CTNNA2: variants seen among roughly 807,000 people sequenced by gnomAD.
The protein encoded by CTNNA2 is catenin alpha-2.
Under a neutral mutation model 101.0 loss-of-function variants are expected in CTNNA2, and 42 were observed. The observed-to-expected ratio is 0.42, with a 90% confidence interval of 0.32 to 0.54. The LOEUF (loss-of-function observed/expected upper bound fraction) is 0.54. Among genes scored for constraint, CTNNA2 ranks in the 20% least tolerant of loss-of-function variants. CTNNA2 has a pLI of 0.14. For synonymous variants in CTNNA2, 450 were observed against 456.4 expected (o/e 0.99, Z 0.18); for missense variants, 871 against 1,223.1 (o/e 0.71, Z 4.29).
In CTNNA2 at chr2:79,902,510, T is replaced by C. The variant is rs527372734; in HGVS notation, c.853-7084T>C. The stretch of plus-strand genomic sequence containing the variant: ...CCCATACCACTACCCGATGTTCATA[T>C]ACTTATAATCAACCTTCCACCAGAC... On this transcript the variant is annotated intron_variant, in intron 6 of 18. Coordinates refer to ENST00000402739, the MANE Select transcript of CTNNA2 (RefSeq NM_001282597.3). 3.2e-4 allele frequency among the ~76,000 whole-genome samples: 49 copies of C among 152,338 alleles called. 1 individual carries two copies. The South Asian group carries it at 9.5e-3, about 30-fold the overall frequency.
chr2:79,306,293 ACAT>A (rs1417532064), intron 2 of CTNNA2, among the ~76,000 whole-genome samples: 1 of 152,186 alleles, frequency 6.6e-6, no homozygotes, highest in East Asian at 1.9e-4. Flanking sequence ...GATCTATTGT[ACAT>A]CATGACAACT....
At chr2:79,835,680 T>TGTTTTTTTTTTTGTTTTTTTG (rs1327631921) in intron 3 of CTNNA2, among the ~76,000 whole-genome samples, 1 of 123,376 alleles carries the variant, frequency 8.1e-6, no homozygotes, top group African/African-American at 3.5e-5. Flanking sequence ...TTTTTTTTTT[T>TGTTTTTTTTTTTGTTTTTTTG]TTTTTTTTTT....
At chr2:80,576,477 A>G (rs1315081696) in intron 13 of CTNNA2, 2 of 151,538 alleles carry the variant, frequency 1.3e-5, no homozygotes, top group Non-Finnish European at 2.9e-5. Flanking sequence ...ATATATATGC[A>G]AATCTGGCAG....
intron 3 of CTNNA2, among the ~76,000 whole-genome samples, chr2:79,361,524 G>A (rs1047478766): frequency 6.6e-6 from 1 of 152,158 alleles, no homozygotes; most frequent in African/African-American, 2.4e-5. Context: ...TATACAATTA[G>A]GAGAGAAGTT....
At chr2:79,772,616 G>A (rs983405246) in intron 3 of CTNNA2, among the ~76,000 whole-genome samples, 4 of 152,176 alleles carry the variant, frequency 2.6e-5, no homozygotes, top group South Asian at 2.1e-4. Context: ...TCTGTTGCCC[G>A]GGCTGGAGTG....
At chr2:79,732,355 A>G (rs975878664) in intron 2 of CTNNA2, among the ~76,000 whole-genome samples, 2 of 152,104 alleles carry the variant, frequency 1.3e-5, no homozygotes, top group Non-Finnish European at 2.9e-5. Context: ...TCATATAAAA[A>G]ATGGGAATTT....
At chr2:80,301,005 G>C (rs939549519) in intron 7 of CTNNA2, among the ~76,000 whole-genome samples, 1 of 151,336 alleles carries the variant, frequency 6.6e-6, no homozygotes, top group Non-Finnish European at 1.5e-5. Flanking sequence ...AGAAGAGGCA[G>C]CTTTTCTGTC....
chr2:80,559,143 G>A (rs1206329159), intron 12 of CTNNA2, among the ~76,000 whole-genome samples: 2 of 152,174 alleles, frequency 1.3e-5, no homozygotes, highest in African/African-American at 4.8e-5. Flanking sequence ...TGTGCACTGA[G>A]CATTACTGCC....
chr2:80,305,556 G>A lies in CTNNA2; in HGVS notation c.1057-87655G>A, dbSNP rs150043180. ...GTTTAAGCCATAATGAAGCCTACCC[G>A]TCTCCATACACACATCCTAATTAAT... On this transcript the variant is annotated intron_variant, in intron 7 of 18. Transcript: ENST00000402739. Among the ~76,000 whole-genome samples the A allele has an allele frequency of 8.8e-3, 1,337 of 152,122 alleles. 12 individuals carry two copies. The highest frequency in any genetic ancestry group is 0.028 in the South Asian group (134 of 4,802).
intron 2 of CTNNA2, among the ~76,000 whole-genome samples, chr2:79,243,377 T>C (rs544600053): frequency 6.6e-6 from 1 of 152,342 alleles, no homozygotes; most frequent in Admixed American, 6.5e-5. Flanking sequence ...TAGTGTGCAG[T>C]AGTTACTATA....
chr2:80,417,527 CTTATT>C (rs1680150099), intron 8 of CTNNA2, among the ~76,000 whole-genome samples: 1 of 151,576 alleles, frequency 6.6e-6, no homozygotes, highest in East Asian at 1.9e-4. Flanking sequence ...TGAAACTTTT[CTTATT>C]TTATTTGTCT....
intron 7 of CTNNA2, among the ~76,000 whole-genome samples, chr2:79,921,151 AAC>A (rs1251402312): frequency 7.2e-5 from 11 of 152,338 alleles, no homozygotes; most frequent in African/African-American, 2.6e-4. Context: ...CCTACAGAAT[AAC>A]AGTCTCCTGC....
rs537862580 is a variant in CTNNA2 at position 79,539,819 on chromosome 2, A to G, written c.-6+26612A>G. ...TGCATGGAAATTAGGGGGGCTGTGC[A>G]TTTCTAGCTCCTGCACTTCTTTACC... On this transcript the variant is annotated intron_variant, in intron 1 of 18. Coordinates refer to ENST00000402739, the MANE Select transcript of CTNNA2 (RefSeq NM_001282597.3). 9.2e-5 allele frequency among the ~76,000 whole-genome samples: 14 copies of G among 152,186 alleles called. No homozygotes were observed. In the East Asian group the frequency reaches 1.9e-3, roughly 21 times the overall value.
At chr2:79,504,219 G>T (rs976246556) in intron 4 of CTNNA2, among the ~76,000 whole-genome samples, 10 of 150,792 alleles carry the variant, frequency 6.6e-5, no homozygotes, top group African/African-American at 2.4e-4. Flanking sequence ...GTGAACTACT[G>T]TTTTTTTTTC....
chr2:80,061,266 CTG>C (rs1697580878), intron 7 of CTNNA2, among the ~76,000 whole-genome samples: 1 of 152,054 alleles, frequency 6.6e-6, no homozygotes, highest in South Asian at 2.1e-4. Flanking sequence ...AGAGGCAAAA[CTG>C]TGCATGCGTT....
At chr2:80,132,262 G>A (rs938895270) in intron 7 of CTNNA2, among the ~76,000 whole-genome samples, 1 of 152,110 alleles carries the variant, frequency 6.6e-6, no homozygotes, top group Admixed American at 6.5e-5. Context: ...CCTTACATGA[G>A]AACCTTGGGC....
rs1239450885 is a variant in CTNNA2, at chr2:80,245,702, C to G, written c.1057-147509C>G. On this transcript the variant is annotated intron_variant, in intron 7 of 18. Coordinates refer to ENST00000402739, the MANE Select transcript of CTNNA2 (RefSeq NM_001282597.3). Reference sequence around the variant, plus strand: ...CTCCCTATGACAACTGTTTTCTGTCCTATTAATCTGACAGCTAATGAGGTG... The same window carrying G: ...CTCCCTATGACAACTGTTTTCTGTCGTATTAATCTGACAGCTAATGAGGTG... 3.3e-5 allele frequency among the ~76,000 whole-genome samples: 5 copies of G among 151,378 alleles called. No individual in the cohort carries two copies. In the East Asian group the frequency reaches 9.7e-4, roughly 29 times the overall value.
chr2:79,605,698 G>A (rs1677843201), intron 1 of CTNNA2, among the ~76,000 whole-genome samples: 1 of 152,086 alleles, frequency 6.6e-6, no homozygotes, highest in Non-Finnish European at 1.5e-5. Flanking sequence ...GAGGCCAGGA[G>A]TTTGTGAGCA....
intron 1 of CTNNA2, among the ~76,000 whole-genome samples, chr2:79,528,777 T>G (rs1355637690): frequency 6.6e-6 from 1 of 152,176 alleles, no homozygotes; most frequent in African/African-American, 2.4e-5. Flanking sequence ...AAATGACATT[T>G]AATTATGTTT....
Sources: gnomAD v4.1 joint callset for allele counts (sites outside exome capture counted in the v4.1 genomes callset) on GRCh38, gnomAD v4.1.1 for gene constraint, MANE v1.5 for transcripts, NCBI Gene and HGNC (gene_info 2026-07-23, HGNC 2026-07-21) for gene names.